The following ADCY8 variants were observed in gnomAD, a reference collection of about 807,000 sequenced individuals.
ADCY8 encodes the protein adenylate cyclase type 8.
In ADCY8, 51 loss-of-function variants were observed where a neutral mutation model predicts 119.7. The observed-to-expected ratio is 0.43, with a 90% CI of 0.34 to 0.54. The LOEUF is 0.54. Ranked by LOEUF, ADCY8 falls within the 20% of genes least tolerant of loss-of-function variation. The pLI is 0.03. For synonymous variants in ADCY8, 665 were observed against 651.0 expected, an observed-to-expected ratio of 1.02 and a Z score of -0.33; for missense variants, 1,383 against 1,598.8, an observed-to-expected ratio of 0.87 and a Z score of 2.30.
chr8:131,011,990 G>A (rs1400896595), intron 1 of ADCY8, among the ~76,000 whole-genome samples: 1 of 152,182 alleles, frequency 6.6e-6, no homozygotes, highest in Non-Finnish European at 1.5e-5. Flanking sequence ...GGGGAACAAG[G>A]GGGTAGAGGC....
intron 1 of ADCY8, among the ~76,000 whole-genome samples, chr8:130,998,678 C>T (rs1241357541): frequency 6.6e-6 from 1 of 152,176 alleles, no homozygotes; most frequent in Admixed American, 6.5e-5. Context: ...AAGTTAGAGG[C>T]TGCTTCCAAG....
intron 8 of ADCY8, among the ~76,000 whole-genome samples, chr8:130,882,084 G>GTC (rs1253408173): frequency 6.7e-6 from 1 of 149,084 alleles, no homozygotes; most frequent in Non-Finnish European, 1.5e-5. Flanking sequence ...GTGTGTGTAT[G>GTC]TGTGTGTGTT....
intron 2 of ADCY8, among the ~76,000 whole-genome samples, chr8:130,987,830 C>G (rs1586633197): frequency 6.6e-6 from 1 of 152,240 alleles, no homozygotes; most frequent in Middle Eastern, 3.4e-3. Context: ...AGCCATCATC[C>G]TGATTTACCT....
intron 7 of ADCY8, among the ~76,000 whole-genome samples, chr8:130,901,218 T>A (rs1289405715): frequency 1.3e-5 from 2 of 150,746 alleles, no homozygotes; most frequent in Non-Finnish European, 2.9e-5. Context: ...GTCTCTAAAG[T>A]GATTTTTTTT....
At chr8:131,020,579 G>A (rs113966766) in intron 1 of ADCY8, among the ~76,000 whole-genome samples, 2,093 of 152,298 alleles carry the variant, frequency 0.014, 31 homozygotes, top group African/African-American at 0.029. Context: ...CTGAGATTTG[G>A]AAGATTTATT....
intron 13 of ADCY8, among the ~76,000 whole-genome samples, chr8:130,818,256 C>T (rs1816404997): frequency 6.6e-6 from 1 of 152,166 alleles, no homozygotes; most frequent in Middle Eastern, 3.2e-3. Context: ...CCTTCTGAGC[C>T]ACACAATCTC....
At chr8:130,867,672 GATT>G (rs1818175694) in intron 9 of ADCY8, among the ~76,000 whole-genome samples, 171 bp downstream of exon 9, 1 of 152,200 alleles carries the variant, frequency 6.6e-6, no homozygotes. Flanking sequence ...AGAGTTTTGA[GATT>G]ATTAGCAGAG....
At chr8:131,026,917 T>C (rs775548079) in intron 1 of ADCY8, among the ~76,000 whole-genome samples, 6 of 152,200 alleles carry the variant, frequency 3.9e-5, no homozygotes, top group Non-Finnish European at 8.8e-5. Context: ...ATTTTACAGC[T>C]GAAGAAAGTG....
intron 1 of ADCY8, among the ~76,000 whole-genome samples, chr8:131,019,827 C>CTG (rs1361270424): frequency 1.1e-3 from 130 of 121,560 alleles, no homozygotes; most frequent in Non-Finnish European, 1.1e-3. Context: ...CTCTCTCTCT[C>CTG]TCTCTCTCTC....
chr8:130,868,063 A>G (rs750995458), intron 8 of ADCY8, 117 bp from the exon 9 acceptor site: 8 of 635,806 alleles, frequency 1.3e-5, no homozygotes, highest in Non-Finnish European at 2.1e-5. Context: ...AGAATAATTC[A>G]TATCTTAATA....
chr8:130,887,897 A>C (rs1819048197), intron 7 of ADCY8, among the ~76,000 whole-genome samples: 1 of 152,104 alleles, frequency 6.6e-6, no homozygotes, highest in Admixed American at 6.6e-5. Context: ...ATTCATTTGT[A>C]ATCAGTAGTG....
intron 7 of ADCY8, among the ~76,000 whole-genome samples, chr8:130,886,595 G>A (rs571127347): frequency 2.0e-5 from 3 of 152,024 alleles, no homozygotes; most frequent in African/African-American, 7.2e-5. Context: ...TTTCCGTCTT[G>A]GAGAAGAGAT....
chr8:130,919,322 C>A (rs1820230165), intron 5 of ADCY8, among the ~76,000 whole-genome samples: 1 of 151,964 alleles, frequency 6.6e-6, no homozygotes, highest in African/African-American at 2.4e-5. Context: ...CACACACACA[C>A]CACACACATG....
intron 2 of ADCY8, among the ~76,000 whole-genome samples, chr8:130,963,546 A>G (rs1050556706): frequency 2.0e-5 from 3 of 152,214 alleles, no homozygotes; most frequent in African/African-American, 7.2e-5. Context: ...ATTAGACGCT[A>G]TAAATTTAGA....
rs1276048760 is a variant in ADCY8 at position 130,925,218 on chromosome 8, AAAAAC to A, written c.1481+11850_1481+11854del. Among the ~76,000 whole-genome samples the A allele has an allele frequency of 3.9e-5, 6 of 152,064 alleles. No homozygotes were observed. The East Asian group carries it at 1.2e-3, about 29-fold the overall frequency. On this transcript the variant is annotated intron_variant, in intron 5 of 17. Coordinates refer to ENST00000286355, the MANE Select transcript of ADCY8 (RefSeq NM_001115.3). ...GAGACTCTGTCTCAAAAACAAAACA[AAAAAC>A]AAAACAAAACAAACAAAAAGAAACT... is the stretch of plus-strand genomic sequence containing the variant.
At chr8:131,008,596 T>C (rs1823199800) in intron 1 of ADCY8, among the ~76,000 whole-genome samples, 1 of 152,170 alleles carries the variant, frequency 6.6e-6, no homozygotes, top group Non-Finnish European at 1.5e-5. Context: ...TTCTTCATAG[T>C]AGTGTGAGAA....
intron 4 of ADCY8, among the ~76,000 whole-genome samples, chr8:130,938,771 C>T (rs1026157434): frequency 1.3e-5 from 2 of 152,190 alleles, no homozygotes; most frequent in African/African-American, 4.8e-5. Context: ...TGTCAACCTT[C>T]CCAAATGGGC....
intron 7 of ADCY8, among the ~76,000 whole-genome samples, chr8:130,896,649 T>C (rs1819401187): frequency 6.6e-6 from 1 of 152,180 alleles, no homozygotes; most frequent in East Asian, 1.9e-4. Flanking sequence ...TAAGTTATGC[T>C]TAGAGAAAAG....
intron 1 of ADCY8, among the ~76,000 whole-genome samples, chr8:131,035,524 G>T (rs1586673916): frequency 6.6e-6 from 1 of 152,162 alleles, no homozygotes; most frequent in Middle Eastern, 3.4e-3. Context: ...TATCCACAGT[G>T]GAAAGCAAAT....
Sources: allele counts gnomAD v4.1 joint callset (sites outside exome capture counted in the v4.1 genomes callset), GRCh38; gene constraint gnomAD v4.1.1; transcripts MANE v1.5; gene names NCBI Gene and HGNC (gene_info 2026-07-23, HGNC 2026-07-21).